Variants in RIMS1 observed in about 807,000 individuals in gnomAD.
RIMS1 encodes regulating synaptic membrane exocytosis 1, also known as regulating synaptic membrane exocytosis protein 1.
A neutral mutation model predicts 214.1 loss-of-function variants in RIMS1; 83 were observed. The ratio of observed to expected loss-of-function variants is 0.39; its 90% CI spans 0.32 to 0.47. The LOEUF (loss-of-function observed/expected upper bound fraction) is 0.47. Ranked by LOEUF, RIMS1 falls within the 20% of genes least tolerant of loss-of-function variation. RIMS1 has a pLI of 0.99. For missense variants in RIMS1, 2,050 were observed against 2,161.8 expected (o/e 0.95, Z 1.03); for synonymous variants, 793 against 786.8 (o/e 1.01, Z -0.13).
intron 9 of RIMS1, among the ~76,000 whole-genome samples, chr6:72,238,447 A>G (rs1256680952): frequency 6.6e-6 from 1 of 152,108 alleles, no homozygotes; most frequent in Non-Finnish European, 1.5e-5. Context: ...TAAATTTAAA[A>G]GTGACTCATG....
intron 28 of RIMS1, among the ~76,000 whole-genome samples, chr6:72,329,636 G>A (rs1049662806): frequency 6.7e-6 from 1 of 150,052 alleles, no homozygotes; most frequent in African/African-American, 2.5e-5. Flanking sequence ...CACTTCTGTA[G>A]AGAGTCAAAT....
intron 26 of RIMS1, among the ~76,000 whole-genome samples, chr6:72,295,419 GCAAA>G (rs1251846690): frequency 1.3e-5 from 2 of 151,584 alleles, no homozygotes; most frequent in African/African-American, 2.4e-5. Flanking sequence ...TTTCCGTGGT[GCAAA>G]CAAAGTGTAA....
chr6:72,290,352 G>A (rs2093168656), intron 24 of RIMS1, among the ~76,000 whole-genome samples: 2 of 152,258 alleles, frequency 1.3e-5, no homozygotes, highest in Non-Finnish European at 1.5e-5. Flanking sequence ...GTGCAGCTGT[G>A]TTGTAAGCAC....
chr6:72,057,008 G>A (rs1206435812), intron 2 of RIMS1, among the ~76,000 whole-genome samples: 1 of 152,056 alleles, frequency 6.6e-6, no homozygotes, highest in South Asian at 2.1e-4. Context: ...TGCTTAAGAA[G>A]AGCCTATCAG....
chr6:72,040,411 A>G (rs903255906), intron 2 of RIMS1, among the ~76,000 whole-genome samples: 1 of 152,048 alleles, frequency 6.6e-6, no homozygotes, highest in African/African-American at 2.4e-5. Flanking sequence ...ATGCCTGTCT[A>G]GATTTTGAAT....
chr6:71,946,192 C>G (rs1345636453), intron 1 of RIMS1, among the ~76,000 whole-genome samples: 1 of 152,088 alleles, frequency 6.6e-6, no homozygotes, highest in Non-Finnish European at 1.5e-5. Flanking sequence ...GGAAAGATAC[C>G]TGTGTTCATG....
At chr6:72,086,557 G>C (rs1834708985) in intron 2 of RIMS1, among the ~76,000 whole-genome samples, 1 of 152,100 alleles carries the variant, frequency 6.6e-6, no homozygotes, top group Non-Finnish European at 1.5e-5. Flanking sequence ...TAAAATAATA[G>C]AAACTCAAGA....
In RIMS1 at chr6:72,163,616, C is replaced by T. The variant is rs1161983920; in HGVS notation, c.472-15959C>T. 1.4e-5 allele frequency among the ~76,000 whole-genome samples: 2 copies of T among 141,048 alleles called. 1 individual carries two copies. The highest frequency in any genetic ancestry group is 3.2e-5 in the Non-Finnish European group (2 of 62,046). 92.5% of individuals were successfully genotyped at this position (141,048 alleles called of 152,430 possible). A position where few individuals can be genotyped will look rare whatever the true frequency, so the allele number is the denominator to read the frequency against. On this transcript the variant is annotated intron_variant, in intron 4 of 33. Coordinates refer to ENST00000521978, the MANE Select transcript of RIMS1 (RefSeq NM_014989.7). ...TCCTTTTAGCAGGCAAGACCCTCAGCTGCAGGTCTGTTGGAGTTTGCTGGA... is the reference window on the plus strand; with the variant it reads ...TCCTTTTAGCAGGCAAGACCCTCAGTTGCAGGTCTGTTGGAGTTTGCTGGA...
intron 4 of RIMS1, among the ~76,000 whole-genome samples, chr6:72,120,030 C>T (rs891024192): frequency 6.6e-6 from 1 of 151,844 alleles, no homozygotes; most frequent in Non-Finnish European, 1.5e-5. Flanking sequence ...ATATGGGCCA[C>T]ATTTTCTTAA....
intron 2 of RIMS1, among the ~76,000 whole-genome samples, chr6:71,969,780 G>A (rs777249375): frequency 3.8e-4 from 58 of 152,176 alleles, no homozygotes; most frequent in Non-Finnish European, 2.6e-4. Context: ...CTGTACTCCA[G>A]CCTGGGTGAC....
chr6:71,953,882 C>T (rs1027698410), intron 1 of RIMS1, among the ~76,000 whole-genome samples: 10 of 152,308 alleles, frequency 6.6e-5, no homozygotes, highest in Admixed American at 5.2e-4. Context: ...TTTCATGCTT[C>T]TCCCCAGCCA....
At chr6:71,913,974 A>T (rs943231247) in intron 1 of RIMS1, among the ~76,000 whole-genome samples, 2 of 152,098 alleles carry the variant, frequency 1.3e-5, no homozygotes, top group Non-Finnish European at 2.9e-5. Flanking sequence ...CAAAGTAGTC[A>T]TTGGGGTGTG....
At chr6:72,111,519 A>G (rs1183226907) in intron 4 of RIMS1, among the ~76,000 whole-genome samples, 1 of 152,170 alleles carries the variant, frequency 6.6e-6, no homozygotes, top group Non-Finnish European at 1.5e-5. Context: ...ACTGTATAAT[A>G]TGGCTGTCTC....
At chr6:71,997,323 G>A (rs1803759118) in intron 2 of RIMS1, among the ~76,000 whole-genome samples, 2 of 152,080 alleles carry the variant, frequency 1.3e-5, no homozygotes, top group African/African-American at 4.8e-5. Context: ...ATAACTATAT[G>A]CAGCAAGGTT....
intron 2 of RIMS1, among the ~76,000 whole-genome samples, chr6:72,090,595 A>C (rs891829841): frequency 3.3e-5 from 5 of 152,182 alleles, no homozygotes; most frequent in Admixed American, 6.5e-5. Context: ...CAGTTTCACT[A>C]AAAGGGGGAC....
intron 6 of RIMS1, among the ~76,000 whole-genome samples, chr6:72,190,923 A>G (rs1198610747): frequency 6.6e-6 from 1 of 152,236 alleles, no homozygotes; most frequent in Non-Finnish European, 1.5e-5. Context: ...GCTGTCTCTC[A>G]GAAGGAGCGT....
chr6:72,343,223 T>G (rs1421072604), intron 29 of RIMS1, among the ~76,000 whole-genome samples: 1 of 151,864 alleles, frequency 6.6e-6, no homozygotes, highest in Non-Finnish European at 1.5e-5. Flanking sequence ...GTGTCTGAAA[T>G]GACCATAAGA....
At position 72,160,940 on chromosome 6, in the gene RIMS1, A is replaced by G. The variant is rs573247698; in HGVS notation, c.472-18635A>G. 4.3e-3 allele frequency among the ~76,000 whole-genome samples: 595 copies of G among 139,828 alleles called. 35 individuals are homozygous for G. Among genetic ancestry groups the G allele is most frequent in the African/African-American group, 0.013 (546 of 40,556 alleles). The allele number at this position is 139,828 out of a possible 152,430, so 91.7% of individuals were successfully genotyped here. A position where few individuals can be genotyped will look rare whatever the true frequency, so the allele number is the denominator to read the frequency against. ...ATTCCCTCTTTTTCTATTGATTGGAATAGTTTCAGAAGGAATGGTACCAGC... is the reference window on the plus strand; with the variant it reads ...ATTCCCTCTTTTTCTATTGATTGGAGTAGTTTCAGAAGGAATGGTACCAGC... On this transcript the variant is annotated intron_variant, in intron 4 of 33. Coordinates refer to ENST00000521978, the MANE Select transcript of RIMS1 (RefSeq NM_014989.7).
chr6:71,965,700 T>A (rs770838420), intron 1 of RIMS1, among the ~76,000 whole-genome samples: 1 of 152,204 alleles, frequency 6.6e-6, no homozygotes, highest in Non-Finnish European at 1.5e-5. Flanking sequence ...GATGAGGGAA[T>A]GCTCACATGC....
Sources: gnomAD v4.1 joint callset for allele counts (sites outside exome capture counted in the v4.1 genomes callset) on GRCh38, gnomAD v4.1.1 for gene constraint, MANE v1.5 for transcripts, NCBI Gene and HGNC (gene_info 2026-07-23, HGNC 2026-07-21) for gene names.